Variants in FMNL2 observed in about 807,000 individuals in gnomAD.
The protein encoded by FMNL2 is formin like 2.
In FMNL2, 51 loss-of-function variants were observed where a neutral mutation model predicts 130.2. That is an observed-to-expected ratio of 0.39 (90% CI 0.31 to 0.49). The LOEUF is 0.49. Among genes scored for constraint, FMNL2 ranks in the 20% least tolerant of loss-of-function variants. The pLI is 0.85. For missense variants in FMNL2, 977 were observed against 1,316.2 expected (o/e 0.74, Z 3.99); for synonymous variants, 465 against 467.1 (o/e 1.00, Z 0.06).
chr2:152,431,965 T>TAAAAAAAAAAAAAAAAAAAAAAAAA (rs60639670), intron 1 of FMNL2, among the ~76,000 whole-genome samples: 1 of 82,174 alleles, frequency 1.2e-5, no homozygotes, highest in African/African-American at 6.4e-5. Flanking sequence ...ACCCTATCTT[T>TAAAAAAAAAAAAAAAAAAAAAAAAA]AAAAAAAAAA....
intron 4 of FMNL2, among the ~76,000 whole-genome samples, chr2:152,549,522 C>T (rs561346246): frequency 3.1e-4 from 47 of 152,252 alleles, no homozygotes; most frequent in Middle Eastern, 3.4e-3. Context: ...CAGAAGGGGA[C>T]GGAAGCTGGA....
chr2:152,360,311 C>A (rs1358409345), intron 1 of FMNL2, among the ~76,000 whole-genome samples: 2 of 151,630 alleles, frequency 1.3e-5, no homozygotes, highest in African/African-American at 4.8e-5. Context: ...CTCTCTTTTT[C>A]TTTCTTCTTT....
intron 9 of FMNL2, among the ~76,000 whole-genome samples, chr2:152,597,288 G>A (rs1237245931): frequency 6.6e-6 from 1 of 152,220 alleles, no homozygotes; most frequent in African/African-American, 2.4e-5. Context: ...AAGTGCATAA[G>A]TCTGAATTTG....
chr2:152,644,838 A>G (rs1333151185), intron 25 of FMNL2, among the ~76,000 whole-genome samples: 2 of 152,166 alleles, frequency 1.3e-5, no homozygotes, highest in African/African-American at 2.4e-5. Context: ...TTGGGGGGGA[A>G]AAAAGGGTCA....
intron 4 of FMNL2, among the ~76,000 whole-genome samples, chr2:152,553,861 A>G (rs560590358): frequency 2.6e-5 from 4 of 152,270 alleles, no homozygotes; most frequent in Non-Finnish European, 5.9e-5. Flanking sequence ...TCTCCTTAGC[A>G]TCTGGTTAAT....
At chr2:152,367,190 C>T (rs1335005677) in intron 1 of FMNL2, among the ~76,000 whole-genome samples, 1 of 151,648 alleles carries the variant, frequency 6.6e-6, no homozygotes, top group Non-Finnish European at 1.5e-5. Flanking sequence ...ATTCTCCTAC[C>T]TTAGCCTCTC....
chr2:152,632,192 G>T lies in FMNL2; in HGVS notation c.2680+55G>T. ...TTGGGTATTTAATGCCTTTAATTGTGGTGGAGCCATTCCCTGCTTAAACAC... is the reference window on the plus strand; with the variant it reads ...TTGGGTATTTAATGCCTTTAATTGTTGTGGAGCCATTCCCTGCTTAAACAC... On this transcript the variant is annotated intron_variant, in intron 21 of 25. Coordinates refer to ENST00000288670, the MANE Select transcript of FMNL2 (RefSeq NM_052905.4). The T allele has an allele frequency of 1.9e-6, 3 of 1,571,750 alleles. No homozygotes were observed. In the South Asian group the frequency reaches 3.6e-5, roughly 19 times the overall value.
chr2:152,412,444 TTTTATATATATATATATATATA>T (rs1384465780), intron 1 of FMNL2, among the ~76,000 whole-genome samples: 3,895 of 103,280 alleles, frequency 0.038, 216 homozygotes, highest in Admixed American at 0.17. Context: ...CTTCTGTATA[TTTTATATATATATATATATATA>T]TATATATATA....
chr2:152,570,728 A>C (rs1696125995), intron 6 of FMNL2, among the ~76,000 whole-genome samples: 1 of 152,156 alleles, frequency 6.6e-6, no homozygotes, highest in South Asian at 2.1e-4. Context: ...TGATTGTTCC[A>C]TCACCTTCTT....
At chr2:152,638,103 G>C (rs1682773754) in intron 23 of FMNL2, among the ~76,000 whole-genome samples, 1 of 152,212 alleles carries the variant, frequency 6.6e-6, no homozygotes, top group South Asian at 2.1e-4. Context: ...ACAGGGCTTA[G>C]GACCTCTTAG....
chr2:152,384,450 G>A (rs1340913586), intron 1 of FMNL2, among the ~76,000 whole-genome samples: 2 of 152,212 alleles, frequency 1.3e-5, no homozygotes, highest in Non-Finnish European at 2.9e-5. Context: ...GCTAGGCCAT[G>A]GAATGACTGT....
chr2:152,378,275 T>C (rs1684280683), intron 1 of FMNL2, among the ~76,000 whole-genome samples: 1 of 152,190 alleles, frequency 6.6e-6, no homozygotes, highest in Non-Finnish European at 1.5e-5. Context: ...TTAGAAAGAA[T>C]ATGTTTGAAT....
intron 25 of FMNL2, among the ~76,000 whole-genome samples, chr2:152,646,150 A>G (rs1284513935): frequency 1.7e-5 from 2 of 114,302 alleles, no homozygotes; most frequent in African/African-American, 5.5e-5. Flanking sequence ...CAAAATCCCC[A>G]TCTCTACAAA....
At chr2:152,645,082 T>TA (rs145382511) in intron 25 of FMNL2, among the ~76,000 whole-genome samples, 83 of 152,318 alleles carry the variant, frequency 5.4e-4, no homozygotes, top group East Asian at 5.0e-3. Context: ...TCAAAGGACA[T>TA]AGAGTGTCAT....
Position 152,618,994 on chromosome 2 carries a change from A to T in FMNL2, c.1463A>T (p.Asp488Val). The T allele has an allele frequency of 6.2e-7, 1 of 1,614,064 alleles. No individual in the cohort carries two copies. Among genetic ancestry groups the T allele is most frequent in the Non-Finnish European group, 8.5e-7 (1 of 1,179,900 alleles). The change falls in exon 14 of 26, where the codon GAT (aspartate) becomes GTT (valine). Residue 488 changes from aspartate (D) to valine (V), a missense_variant. Physicochemically the swap from Asp to Val is radical, Grantham distance 152 (BLOSUM62 -3). Transcript: ENST00000288670. The stretch of plus-strand genomic sequence containing the variant: ...ACCATTAAAATTCAGAAGAAAGGGG[A>T]TGGGGATATCGCCATACTGCCAGTT... ...QGTIKIQKKG[D>V]GDIAILPVVA...
chr2:152,355,857 C>A (rs1682750721), intron 1 of FMNL2, among the ~76,000 whole-genome samples: 1 of 152,132 alleles, frequency 6.6e-6, no homozygotes. Context: ...ACAAAATAGT[C>A]CCAGCATTAC....
At chr2:152,472,359 T>G (rs1350970843) in intron 1 of FMNL2, among the ~76,000 whole-genome samples, 2 of 152,162 alleles carry the variant, frequency 1.3e-5, no homozygotes, top group Non-Finnish European at 2.9e-5. Context: ...TTTGTGCAGG[T>G]CCACAACCCT....
rs375095309 is a variant in FMNL2 at position 152,619,091 on chromosome 2, C to T, written c.1560C>T (p.Ala520=). 7.1e-4 allele frequency: 1,141 copies of T among 1,611,846 alleles called. No homozygotes were observed. Among genetic ancestry groups the T allele is most frequent in the Non-Finnish European group, 9.0e-4 (1,066 of 1,178,412 alleles). ...AGNSVGPTMG[A]ASSGPLPPPP... is the part of the protein sequence containing the mutation. ...ACTCTGTGGGACCCACAATGGGGGC[C>T]GCTTCCTCAGGACCCTTGCCCCCTC... Residue 520 remains alanine, a synonymous_variant, in exon 14 of 26, where the codon GCC becomes GCT. Coordinates refer to ENST00000288670, the MANE Select transcript of FMNL2 (RefSeq NM_052905.4).
intron 6 of FMNL2, among the ~76,000 whole-genome samples, chr2:152,574,566 C>G (rs1696370719): frequency 6.6e-6 from 1 of 151,998 alleles, no homozygotes; most frequent in South Asian, 2.1e-4. Flanking sequence ...CTCCCATTTT[C>G]CTTAGAGACT....
Sources: gnomAD v4.1 joint callset for allele counts (sites outside exome capture counted in the v4.1 genomes callset) on GRCh38, gnomAD v4.1.1 for gene constraint, MANE v1.5 for transcripts, NCBI Gene and HGNC (gene_info 2026-07-23, HGNC 2026-07-21) for gene names.